Variants in TTC21B observed in about 807,000 individuals in gnomAD.
TTC21B encodes the protein tetratricopeptide repeat domain 21B, also known as tetratricopeptide repeat protein 21B.
TTC21B carries 127 observed loss-of-function variants against 175.1 expected under a neutral mutation model. That is an observed-to-expected ratio of 0.73 (90% CI 0.63 to 0.84). The LOEUF (loss-of-function observed/expected upper bound fraction) is 0.84, where lower values mean the gene tolerates loss of function less well. Ranked by LOEUF, TTC21B falls within the 40% of genes least tolerant of loss-of-function variation. The pLI is 0.00. For synonymous variants in TTC21B, 524 were observed against 524.5 expected (o/e 1.00, Z 0.01); for missense variants, 1,561 against 1,558.3 (o/e 1.00, Z -0.03).
chr2:165,930,846 T>C (rs183226244), intron 8 of TTC21B, among the ~76,000 whole-genome samples: 215 of 150,828 alleles, frequency 1.4e-3, no homozygotes, highest in Admixed American at 3.7e-3. Flanking sequence ...AGCTATGCCA[T>C]CAGTGAGAAT....
chr2:165,953,739 GA>G lies in TTC21B; in HGVS notation c.-35del. The stretch of plus-strand genomic sequence containing the variant: ...CGAGGCCGGGCCGCGGGGCTCTGGG[GA>G]TTGTCTCGCCGCAGCCTAAAGGAAG... On this transcript the variant is annotated 5_prime_UTR_variant, in exon 1 of 29. Transcript: ENST00000243344. 6.5e-7 allele frequency: 1 copy of G among 1,545,104 alleles called. No individual in the cohort carries two copies. Among genetic ancestry groups the G allele is most frequent in the Non-Finnish European group, 8.7e-7 (1 of 1,144,412 alleles).
intron 5 of TTC21B, among the ~76,000 whole-genome samples, chr2:165,941,511 GA>G (rs10706021): frequency 0.62 from 94,704 of 151,796 alleles, 29,833 homozygotes; most frequent in East Asian, 0.81. Context: ...ATGTTTCCAG[GA>G]AATTTTCAAG....
chr2:165,890,496 G>A lies in TTC21B; in HGVS notation c.3246C>T (p.Asn1082=), dbSNP rs1685150610. Residue 1082 remains asparagine, a synonymous_variant, in exon 24 of 29, where the codon AAC becomes AAT. Transcript: ENST00000243344. ...NETVGGEVFE[N]LDGDLGNSTE... is the part of the protein sequence containing the mutation. ...TAACTCACCCCAGGTCTCCATCCAGGTTTTCAAATACTTCACCTCCAACAG... is the reference window on the plus strand; with the variant it reads ...TAACTCACCCCAGGTCTCCATCCAGATTTTCAAATACTTCACCTCCAACAG... 7.4e-6 allele frequency: 12 copies of A among 1,613,258 alleles called. No homozygotes were observed. The highest frequency in any genetic ancestry group is 9.3e-6 in the Non-Finnish European group (11 of 1,179,576).
At chr2:165,947,375 A>C (rs1002126643) in intron 3 of TTC21B, 2 of 151,426 alleles carry the variant, frequency 1.3e-5, no homozygotes, top group Admixed American at 1.3e-4. Context: ...CTAATGATAC[A>C]AATTTAAATG....
At chr2:165,899,386 TG>T (rs1421001134) in intron 21 of TTC21B, among the ~76,000 whole-genome samples, 3 of 152,182 alleles carry the variant, frequency 2.0e-5, no homozygotes, top group South Asian at 2.1e-4. Context: ...AATATGAAGT[TG>T]TTTTTTTTCC....
intron 12 of TTC21B, among the ~76,000 whole-genome samples, chr2:165,922,597 T>C (rs1338556787): frequency 7.0e-6 from 1 of 142,452 alleles, no homozygotes; most frequent in Non-Finnish European, 1.5e-5. Flanking sequence ...GACGTTGGCA[T>C]GGATGTGGTC....
Position 165,932,964 on chromosome 2 carries a change from G to A in TTC21B, c.795+9C>T. The A allele has an allele frequency of 6.2e-7, 1 of 1,608,314 alleles. No homozygotes were observed. Among genetic ancestry groups the A allele is most frequent in the Admixed American group, 1.7e-5 (1 of 59,972 alleles). On this transcript the variant is annotated intron_variant, in intron 7 of 28. Coordinates refer to ENST00000243344, the MANE Select transcript of TTC21B (RefSeq NM_024753.5). ...ATATAGGAAACTTAAATAATACAATGCCACTTACCTTCTCTATATCCCCCT... is the reference window on the plus strand; with the variant it reads ...ATATAGGAAACTTAAATAATACAATACCACTTACCTTCTCTATATCCCCCT...
At chr2:165,932,655 A>G (rs954271709) in intron 7 of TTC21B, among the ~76,000 whole-genome samples, 2 of 152,050 alleles carry the variant, frequency 1.3e-5, no homozygotes, top group African/African-American at 4.8e-5. Flanking sequence ...CACTAGTTAC[A>G]TTACGTATCT....
chr2:165,941,869 T>C (rs1205245436), intron 5 of TTC21B, among the ~76,000 whole-genome samples: 1 of 152,182 alleles, frequency 6.6e-6, no homozygotes, highest in Non-Finnish European at 1.5e-5. Context: ...AGAGATATTA[T>C]ATATAATAGT....
intron 24 of TTC21B, among the ~76,000 whole-genome samples, chr2:165,889,437 G>A (rs1011101760): frequency 2.0e-5 from 3 of 152,140 alleles, no homozygotes; most frequent in African/African-American, 7.2e-5. Context: ...GACCATTCAT[G>A]GAGTTCCAAC....
chr2:165,911,410 T>C lies in TTC21B; in HGVS notation c.2378A>G (p.Tyr793Cys), dbSNP rs763158250. Residue 793 changes from tyrosine (Y) to cysteine (C), a missense_variant, in exon 18 of 29, where the codon TAT becomes TGT. By Grantham distance (194) the Tyr-to-Cys change is radical. Transcript: ENST00000243344. Reference sequence around the variant, plus strand: ...TTTTAATAAGAGCTCAGCCAGGTCATAGCAAAGATAATTCTTTTGTCCAGT... The same window carrying C: ...TTTTAATAAGAGCTCAGCCAGGTCACAGCAAAGATAATTCTTTTGTCCAGT... ...LKTGQKNYLC[Y>C]DLAELLLKLK... The C allele has an allele frequency of 1.4e-5, 23 of 1,613,800 alleles. No homozygotes were observed. In the African/African-American group the frequency reaches 1.5e-4, roughly 10 times the overall value.
At position 165,952,291 on chromosome 2, in the gene TTC21B, T is replaced by G. The variant is rs12616670; in HGVS notation, c.21+1394A>C. On this transcript the variant is annotated intron_variant, in intron 1 of 28. Transcript: ENST00000243344. ...CATGAAAATTACATGAAAGTCAAATTTCAGTGTTCATAAATAAAGTTTTAT... is the reference window on the plus strand; with the variant it reads ...CATGAAAATTACATGAAAGTCAAATGTCAGTGTTCATAAATAAAGTTTTAT... Among the ~76,000 whole-genome samples, 68 of 152,318 alleles carry G rather than the reference T, an allele frequency of 4.5e-4. No homozygotes were observed. In the East Asian group the frequency reaches 0.012, roughly 26 times the overall value.
intron 6 of TTC21B, among the ~76,000 whole-genome samples, chr2:165,940,736 T>C (rs534798563): frequency 6.6e-6 from 1 of 152,280 alleles, no homozygotes; most frequent in Non-Finnish European, 1.5e-5. Context: ...AATATACTTA[T>C]TTGGTGTGCT....
At position 165,899,941 on chromosome 2, in the gene TTC21B, A is replaced by ATACG. The variant is rs1190699373; in HGVS notation, c.2758-65_2758-62dup. 6.4e-5 allele frequency: 65 copies of ATACG among 1,016,050 alleles called. No individual in the cohort carries two copies. The East Asian group carries it at 1.7e-3, about 27-fold the overall frequency. 62.9% of individuals were successfully genotyped at this position (1,016,050 alleles called of 1,614,324 possible). ...ATAGAATAAAAAGTCAATGAGGAAA[A>ATACG]TACGTGGGTACAGATTAAACTTTAG... On this transcript the variant is annotated intron_variant, in intron 20 of 28. Coordinates refer to ENST00000243344, the MANE Select transcript of TTC21B (RefSeq NM_024753.5).
intron 3 of TTC21B, 140 bp from the exon 4 acceptor site, chr2:165,945,830 G>A (rs1209219775): frequency 5.4e-6 from 4 of 743,748 alleles, no homozygotes; most frequent in Non-Finnish European, 8.4e-6. Flanking sequence ...AGCCATATAT[G>A]TAACTTAAAA....
rs1201552581 is a variant in TTC21B, at chr2:165,901,884, T to C, written c.2595A>G (p.Leu865=). The change falls in exon 20 of 29, where the codon CTA becomes CTG. Residue 865 remains leucine (L), a synonymous_variant. Coordinates refer to ENST00000243344, the MANE Select transcript of TTC21B (RefSeq NM_024753.5). ...QQARELQARV[L]KRVQMEQPDA... is the part of the protein sequence containing the mutation. ...CTGGCTGTTCCATCTGAACACGTTT[T>C]AGTACCCGAGCTTGTAATTCTCGAG... 1 of 1,613,794 alleles carries C rather than the reference T, an allele frequency of 6.2e-7. No homozygotes were observed. Among genetic ancestry groups the C allele is most frequent in the African/African-American group, 1.3e-5 (1 of 74,822 alleles).
Position 165,927,354 on chromosome 2 carries a change from A to ATT in TTC21B, c.1386+1779_1386+1780dup, listed in dbSNP as rs1257247257. Among the ~76,000 whole-genome samples, 7 of 92,150 alleles carry ATT rather than the reference A, an allele frequency of 7.6e-5. 1 individual carries two copies. Among genetic ancestry groups the ATT allele is most frequent in the African/African-American group, 2.6e-4 (7 of 26,638 alleles). 60.5% of individuals were successfully genotyped at this position (92,150 alleles called of 152,430 possible). A position where few individuals can be genotyped will look rare whatever the true frequency, so the allele number is the denominator to read the frequency against. On this transcript the variant is annotated intron_variant, in intron 11 of 28. Transcript: ENST00000243344. ...ATAATATATAATATATATATAATAT[A>ATT]TTTTATATATATATATATATATCCT...
At chr2:165,886,801 T>G (rs1429806517) in intron 25 of TTC21B, among the ~76,000 whole-genome samples, 1 of 152,204 alleles carries the variant, frequency 6.6e-6, no homozygotes, top group Non-Finnish European at 1.5e-5. Flanking sequence ...CATCACAGCA[T>G]TCAGTAGCTA....
At chr2:165,879,436 C>T (rs954007274) in intron 27 of TTC21B, among the ~76,000 whole-genome samples, 26 of 152,268 alleles carry the variant, frequency 1.7e-4, no homozygotes, top group African/African-American at 5.5e-4. Flanking sequence ...AGTATGAGAA[C>T]AGACTCCAGG....
Sources: allele counts gnomAD v4.1 joint callset (sites outside exome capture counted in the v4.1 genomes callset), GRCh38; gene constraint gnomAD v4.1.1; transcripts MANE v1.5; gene names NCBI Gene and HGNC (gene_info 2026-07-23, HGNC 2026-07-21).